The following PDE4D variants were observed in gnomAD, a reference collection of about 807,000 sequenced individuals.
The protein encoded by PDE4D is phosphodiesterase 4D, also known as 3',5'-cyclic-AMP phosphodiesterase 4D.
Under a neutral mutation model 87.4 loss-of-function variants are expected in PDE4D, and 24 were observed. The ratio of observed to expected loss-of-function variants is 0.27; its 90% CI spans 0.20 to 0.39. The LOEUF is 0.39. Among genes scored for constraint, PDE4D ranks in the 10% least tolerant of loss-of-function variants. The pLI is 1.00. For missense variants in PDE4D, 714 were observed against 1,041.0 expected, an observed-to-expected ratio of 0.69 and a Z score of 4.32; for synonymous variants, 384 against 383.2, an observed-to-expected ratio of 1.00 and a Z score of -0.02.
chr5:59,337,935 A>T (rs1385170538), intron 1 of PDE4D, among the ~76,000 whole-genome samples: 2 of 152,224 alleles, frequency 1.3e-5, no homozygotes, highest in Non-Finnish European at 2.9e-5. Context: ...ATTCCCATTT[A>T]GGCTTTTACA....
chr5:59,750,414 C>T (rs1280728927), intron 1 of PDE4D, among the ~76,000 whole-genome samples: 1 of 152,040 alleles, frequency 6.6e-6, no homozygotes, highest in Non-Finnish European at 1.5e-5. Flanking sequence ...TATAACTTCC[C>T]CCCTCCCTCA....
At chr5:59,169,541 G>A (rs920871175) in intron 5 of PDE4D, among the ~76,000 whole-genome samples, 1 of 152,132 alleles carries the variant, frequency 6.6e-6, no homozygotes, top group African/African-American at 2.4e-5. Context: ...TGATGCCCAG[G>A]ATGACGAAGT....
At chr5:60,211,772 G>T (rs1000253026) in intron 1 of PDE4D, among the ~76,000 whole-genome samples, 1 of 151,920 alleles carries the variant, frequency 6.6e-6, no homozygotes, top group Non-Finnish European at 1.5e-5. Context: ...CCTCATTTTC[G>T]TGGTTTATTT....
intron 1 of PDE4D, among the ~76,000 whole-genome samples, chr5:59,495,631 G>T (rs905118546): frequency 6.6e-6 from 1 of 152,168 alleles, no homozygotes; most frequent in Admixed American, 6.5e-5. Flanking sequence ...AAGACTGCAG[G>T]GGCAGGAGAG....
intron 1 of PDE4D, among the ~76,000 whole-genome samples, chr5:59,864,217 G>A (rs540959256): frequency 2.0e-5 from 3 of 152,244 alleles, no homozygotes; most frequent in Non-Finnish European, 4.4e-5. Flanking sequence ...GCTGAGCAGT[G>A]GTCAGCTGGT....
At chr5:60,497,969 T>A (rs1452242128) in intron 1 of PDE4D, among the ~76,000 whole-genome samples, 1 of 152,138 alleles carries the variant, frequency 6.6e-6, no homozygotes, top group Admixed American at 6.6e-5. Context: ...AGAATAGAAA[T>A]CCATAAATTT....
intron 1 of PDE4D, among the ~76,000 whole-genome samples, chr5:59,467,082 T>C (rs879298679): frequency 3.9e-5 from 6 of 152,086 alleles, no homozygotes; most frequent in Non-Finnish European, 8.8e-5. Flanking sequence ...CGTGAAGGAA[T>C]AGAGAGAAGT....
intron 1 of PDE4D, among the ~76,000 whole-genome samples, chr5:59,793,013 T>C (rs540007854): frequency 6.6e-6 from 1 of 151,874 alleles, no homozygotes; most frequent in African/African-American, 2.4e-5. Flanking sequence ...GGAAGAAGAG[T>C]CAGCTTACAC....
At chr5:59,497,788 G>A (rs1210854291) in intron 1 of PDE4D, among the ~76,000 whole-genome samples, 1 of 152,106 alleles carries the variant, frequency 6.6e-6, no homozygotes, top group Non-Finnish European at 1.5e-5. Context: ...AATCTTGCCA[G>A]AGAAGTCAAC....
chr5:59,100,724 C>G (rs1770592703), intron 5 of PDE4D, among the ~76,000 whole-genome samples: 1 of 152,202 alleles, frequency 6.6e-6, no homozygotes, highest in South Asian at 2.1e-4. Context: ...CATACTACAT[C>G]TTGTCTCATT....
chr5:59,954,228 T>C (rs1435809567), intron 3 of PDE4D, among the ~76,000 whole-genome samples: 2 of 152,184 alleles, frequency 1.3e-5, no homozygotes, highest in Non-Finnish European at 2.9e-5. Context: ...CTGGCCTGTT[T>C]CTTAGTTTTA....
chr5:59,428,789 C>T (rs1000010372), intron 1 of PDE4D, among the ~76,000 whole-genome samples: 22 of 152,046 alleles, frequency 1.4e-4, no homozygotes, highest in Admixed American at 9.8e-4. Context: ...TTTATCCTTT[C>T]GTAGAATGAA....
chr5:59,651,752 G>GA (rs1313807921), intron 1 of PDE4D, among the ~76,000 whole-genome samples: 1 of 151,916 alleles, frequency 6.6e-6, no homozygotes, highest in Non-Finnish European at 1.5e-5. Flanking sequence ...CAGAAAGAAA[G>GA]AAAAAAAGAT....
At chr5:59,745,993 A>G (rs1220956342) in intron 1 of PDE4D, among the ~76,000 whole-genome samples, 1 of 152,214 alleles carries the variant, frequency 6.6e-6, no homozygotes, top group African/African-American at 2.4e-5. Context: ...TCATCTTGTA[A>G]AAGTATTTCA....
At chr5:60,308,076 G>T (rs1754665666) in intron 1 of PDE4D, among the ~76,000 whole-genome samples, 1 of 152,080 alleles carries the variant, frequency 6.6e-6, no homozygotes, top group Non-Finnish European at 1.5e-5. Context: ...AAGTCATTTT[G>T]TTCACAGGCC....
chr5:60,008,994 AC>A (rs898152313), intron 2 of PDE4D, among the ~76,000 whole-genome samples: 2 of 151,898 alleles, frequency 1.3e-5, no homozygotes, highest in African/African-American at 2.4e-5. Context: ...CATTAATACC[AC>A]CCTCAAAATT....
intron 1 of PDE4D, among the ~76,000 whole-genome samples, chr5:60,365,690 T>G (rs767576370): frequency 1.3e-5 from 2 of 152,206 alleles, no homozygotes; most frequent in Non-Finnish European, 2.9e-5. Flanking sequence ...TCTTGAACTT[T>G]GTATTCCTCA....
chr5:60,077,357 G>A (rs1043211597), intron 2 of PDE4D, among the ~76,000 whole-genome samples: 9 of 152,306 alleles, frequency 5.9e-5, no homozygotes, highest in African/African-American at 2.2e-4. Flanking sequence ...GTGAGTATGT[G>A]AAGGCCAAGT....
chr5:60,140,489 T>A (rs1296537596), intron 2 of PDE4D, among the ~76,000 whole-genome samples: 1 of 149,404 alleles, frequency 6.7e-6, no homozygotes, highest in Middle Eastern at 3.2e-3. Context: ...GCTCTTTATA[T>A]CCTGATATCA....
Sources: gnomAD v4.1 joint callset for allele counts (sites outside exome capture counted in the v4.1 genomes callset) on GRCh38, gnomAD v4.1.1 for gene constraint, MANE v1.5 for transcripts, NCBI Gene and HGNC (gene_info 2026-07-23, HGNC 2026-07-21) for gene names.